CSRP2: variants seen among roughly 807,000 people sequenced by gnomAD.
The protein encoded by CSRP2 is cysteine and glycine-rich protein 2.
CSRP2 carries 18 observed loss-of-function variants against 24.6 expected under a neutral mutation model. That is an observed-to-expected ratio of 0.73 (90% CI 0.51 to 1.09). The LOEUF is 1.09. Ranked by LOEUF, CSRP2 falls within the 50% of genes least tolerant of loss-of-function variation. The pLI is 0.00. For synonymous variants in CSRP2, 87 were observed against 84.3 expected (o/e 1.03, Z -0.18); for missense variants, 215 against 239.4 (o/e 0.90, Z 0.67).
At chr12:76,862,547 G>GAA in intron 3 of CSRP2, 9 of 295,076 alleles carry the variant, frequency 3.1e-5, no homozygotes, top group South Asian at 1.1e-4. Flanking sequence ...TGACAAAAAA[G>GAA]AAAAAAAAAA....
At chr12:76,878,387 G>A (rs1953872813) in intron 1 of CSRP2, 1 of 152,430 alleles carries the variant, frequency 6.6e-6, no homozygotes, top group Non-Finnish European at 1.5e-5. Context: ...GGGATGCCAG[G>A]AGCCCGGTAC....
intron 1 of CSRP2, among the ~76,000 whole-genome samples, chr12:76,868,724 T>C (rs1422611523): frequency 6.6e-6 from 1 of 151,972 alleles, no homozygotes; most frequent in African/African-American, 2.4e-5. Context: ...GGCAGGCGGA[T>C]CATGAGGTCA....
In CSRP2 at chr12:76,858,854, T is replaced by C. The variant is rs1318993500; in HGVS notation, c.*98A>G. ...GTACAGGGCGATATACAGTACTTAATGCTGGTAGAATTTCACAGTAGTTTA... is the reference window on the plus strand; with the variant it reads ...GTACAGGGCGATATACAGTACTTAACGCTGGTAGAATTTCACAGTAGTTTA... On this transcript the variant is annotated 3_prime_UTR_variant, in exon 6 of 6. Coordinates refer to ENST00000311083, the MANE Select transcript of CSRP2 (RefSeq NM_001321.3). 7 of 1,128,474 alleles carry C rather than the reference T, an allele frequency of 6.2e-6. No individual in the cohort carries two copies. Among genetic ancestry groups the C allele is most frequent in the Non-Finnish European group, 9.3e-6 (7 of 749,134 alleles). 69.9% of individuals were successfully genotyped at this position (1,128,474 alleles called of 1,614,324 possible).
chr12:76,865,826 G>A, intron 2 of CSRP2: 1 of 256,756 alleles, frequency 3.9e-6, no homozygotes, highest in South Asian at 7.9e-5. Context: ...CCCTTGTAAT[G>A]TGCCAGAAAC....
intron 2 of CSRP2, chr12:76,863,772 A>G (rs138319846): frequency 6.4e-6 from 1 of 156,612 alleles, no homozygotes; most frequent in African/African-American, 2.4e-5. Flanking sequence ...CCAACCCTCA[A>G]CACTCTTAAT....
chr12:76,863,487 C>T lies in CSRP2; in HGVS notation c.113-143G>A, dbSNP rs141641561. 4.4e-4 allele frequency: 332 copies of T among 750,376 alleles called. 1 individual carries two copies. In the African/African-American group the frequency reaches 5.3e-3, roughly 12 times the overall value. The allele number at this position is 750,376 out of a possible 1,614,324, so 46.5% of individuals were successfully genotyped here. On this transcript the variant is annotated intron_variant, in intron 2 of 5. Transcript: ENST00000311083. ...GGTTTATCCTGTGGCTTCCCAAAAG[C>T]CATGAGACAGCATCTGGACTGGCCA... is the stretch of plus-strand genomic sequence containing the variant.
At chr12:76,869,893 G>A (rs1408906362) in intron 1 of CSRP2, among the ~76,000 whole-genome samples, 1 of 152,156 alleles carries the variant, frequency 6.6e-6, no homozygotes, top group Non-Finnish European at 1.5e-5. Context: ...GCACTGACCC[G>A]TGTTTGTAGT....
At chr12:76,861,314 C>T (rs1273010688) in intron 3 of CSRP2, 3 of 149,296 alleles carry the variant, frequency 2.0e-5, no homozygotes, top group Non-Finnish European at 4.4e-5. Context: ...CTCAGGAGTT[C>T]GAGGCCAGCC....
Position 76,860,349 on chromosome 12 carries a change from C to G in CSRP2, c.346G>C (p.Ala116Pro). 1 of 1,614,096 alleles carries G rather than the reference C, an allele frequency of 6.2e-7. No homozygotes were observed. Among genetic ancestry groups the G allele is most frequent in the South Asian group, 1.1e-5 (1 of 91,074 alleles). ...TSKFAQKYGGAEKCSRCGDSV... is the reference protein window; with the variant it reads ...TSKFAQKYGGPEKCSRCGDSV... The stretch of plus-strand genomic sequence containing the variant: ...TCCCCACATCTGGAACACTTCTCAG[C>G]ACCTCCATATTTCTGAGCAAATTTA... Residue 116 changes from alanine (A) to proline (P), a missense_variant, in exon 4 of 6, where the codon GCT becomes CCT. Physicochemically the swap from Ala to Pro is conservative, Grantham distance 27. Coordinates refer to ENST00000311083, the MANE Select transcript of CSRP2 (RefSeq NM_001321.3).
chr12:76,868,320 C>T (rs1953755119), intron 1 of CSRP2, among the ~76,000 whole-genome samples: 1 of 152,112 alleles, frequency 6.6e-6, no homozygotes, highest in Non-Finnish European at 1.5e-5. Flanking sequence ...ATTGTAGCTC[C>T]CATAATTCCC....
chr12:76,864,605 T>C (rs1385709790), intron 2 of CSRP2: 1 of 149,260 alleles, frequency 6.7e-6, no homozygotes, highest in Non-Finnish European at 1.5e-5. Context: ...ATATACCTAC[T>C]ATGTACCCAT....
At chr12:76,860,173 A>G in intron 4 of CSRP2, 111 bp downstream of exon 4, 2 of 1,183,512 alleles carry the variant, frequency 1.7e-6, no homozygotes, top group South Asian at 1.9e-5. Flanking sequence ...AAAGTTTCAT[A>G]TAAGACAGTG....
At chr12:76,862,676 ACT>A (rs2137824040) in intron 3 of CSRP2, 5 of 1,155,964 alleles carry the variant, frequency 4.3e-6, no homozygotes, top group East Asian at 2.9e-5. Flanking sequence ...GTTTAACACT[ACT>A]CTCTCAAAGA....
Position 76,863,161 on chromosome 12 carries a change from G to A in CSRP2, c.281+15C>T, listed in dbSNP as rs752387844. On this transcript the variant is annotated intron_variant, in intron 3 of 5. Coordinates refer to ENST00000311083, the MANE Select transcript of CSRP2 (RefSeq NM_001321.3). Reference sequence around the variant, plus strand: ...CAACTCATTTCTGAAGGTAACCAACGGTCTCCCAACTCACCTCTCTGGTTT... The same window carrying A: ...CAACTCATTTCTGAAGGTAACCAACAGTCTCCCAACTCACCTCTCTGGTTT... The A allele has an allele frequency of 3.7e-6, 6 of 1,600,140 alleles. No individual in the cohort carries two copies. Among genetic ancestry groups the A allele is most frequent in the Non-Finnish European group, 5.1e-6 (6 of 1,170,664 alleles).
intron 2 of CSRP2, among the ~76,000 whole-genome samples, chr12:76,865,375 T>C (rs1034383082): frequency 1.3e-4 from 20 of 152,246 alleles, no homozygotes; most frequent in African/African-American, 4.8e-4. Context: ...CTATGTAGTA[T>C]TTTTATTTTT....
chr12:76,865,904 A>G (rs910310146), intron 2 of CSRP2: 23 of 510,550 alleles, frequency 4.5e-5, no homozygotes, highest in African/African-American at 3.3e-4. Context: ...AGATGTGTTA[A>G]CAAAATAAAG....
chr12:76,871,704 C>A (rs111566028), intron 1 of CSRP2, among the ~76,000 whole-genome samples: 6 of 150,144 alleles, frequency 4.0e-5, no homozygotes, highest in African/African-American at 1.5e-4. Context: ...GTGGAGCTTG[C>A]AGTGAGCCGA....
intron 1 of CSRP2, among the ~76,000 whole-genome samples, chr12:76,876,832 T>C (rs1376431604): frequency 1.3e-5 from 2 of 152,200 alleles, no homozygotes; most frequent in Non-Finnish European, 2.9e-5. Context: ...CCACATATAT[T>C]CAACCAAGTG....
chr12:76,877,050 G>T (rs1370235608), intron 1 of CSRP2, among the ~76,000 whole-genome samples: 2 of 152,218 alleles, frequency 1.3e-5, no homozygotes, highest in Non-Finnish European at 2.9e-5. Flanking sequence ...GTCCTGCCTG[G>T]CTTCGTTCCT....
Sources: allele counts gnomAD v4.1 joint callset (sites outside exome capture counted in the v4.1 genomes callset), GRCh38; gene constraint gnomAD v4.1.1; transcripts MANE v1.5; gene names NCBI Gene and HGNC (gene_info 2026-07-23, HGNC 2026-07-21).